PROS1: variants seen among roughly 807,000 people sequenced by gnomAD.
PROS1 encodes vitamin K-dependent protein S.
A neutral mutation model predicts 75.9 loss-of-function variants in PROS1; 29 were observed. That is an observed-to-expected ratio of 0.38 (90% CI 0.28 to 0.52). The LOEUF is 0.52. Ranked by LOEUF, PROS1 falls within the 20% of genes least tolerant of loss-of-function variation. The probability of loss-of-function intolerance (pLI) is 0.83; values close to 1 mark genes in which losing one functional copy is unlikely to be tolerated. For missense variants in PROS1, 680 were observed against 810.3 expected (o/e 0.84, Z 1.95); for synonymous variants, 245 against 280.6 (o/e 0.87, Z 1.27).
chr3:93,935,498 C>A (rs1053083199), intron 1 of PROS1, among the ~76,000 whole-genome samples: 8 of 152,044 alleles, frequency 5.3e-5, no homozygotes, highest in Non-Finnish European at 1.0e-4. Flanking sequence ...TTTGGAAAAG[C>A]AACAGGCAAA....
At chr3:93,916,939 C>A (rs1708861930) in intron 3 of PROS1, among the ~76,000 whole-genome samples, 1 of 152,216 alleles carries the variant, frequency 6.6e-6, no homozygotes, top group South Asian at 2.1e-4. Flanking sequence ...CAGCCACTGA[C>A]TCCTAGACAA....
chr3:93,973,643 G>C, intron 1 of PROS1, 31 bp downstream of exon 1: 1 of 1,606,606 alleles, frequency 6.2e-7, no homozygotes, highest in Non-Finnish European at 8.5e-7. Flanking sequence ...CAATGCTGGG[G>C]AAGGGAGAAG....
chr3:93,904,556 C>A (rs1461219078), intron 6 of PROS1, among the ~76,000 whole-genome samples: 1 of 151,704 alleles, frequency 6.6e-6, no homozygotes, highest in East Asian at 1.9e-4. Flanking sequence ...TAGGGCTTTA[C>A]CAAAATATAT....
chr3:93,951,283 A>G (rs1490417970), intron 1 of PROS1, among the ~76,000 whole-genome samples: 1 of 152,116 alleles, frequency 6.6e-6, no homozygotes, highest in East Asian at 1.9e-4. Context: ...AACTCCAAGA[A>G]ACATAACTGT....
In PROS1 at chr3:93,873,910, A is replaced by G. The variant is rs1708144772; in HGVS notation, c.*335T>C. ...TTTGAGTTTACTTCCTTGCTTTCTG[A>G]AAAAAACATAGGTATTTAGACACTA... On this transcript the variant is annotated 3_prime_UTR_variant, in exon 15 of 15. Transcript: ENST00000394236. 1.2e-5 allele frequency: 3 copies of G among 250,622 alleles called. No homozygotes were observed. The highest frequency in any genetic ancestry group is 5.1e-5 in the Admixed American group (1 of 19,524). 15.5% of individuals were successfully genotyped at this position (250,622 alleles called of 1,614,324 possible).
chr3:93,931,169 T>C (rs1334705512), intron 1 of PROS1, among the ~76,000 whole-genome samples: 3 of 152,188 alleles, frequency 2.0e-5, no homozygotes, highest in African/African-American at 4.8e-5. Flanking sequence ...TATTTTCCTA[T>C]TGAAGAAATT....
At chr3:93,951,942 A>C (rs1425548586) in intron 1 of PROS1, among the ~76,000 whole-genome samples, 1 of 152,196 alleles carries the variant, frequency 6.6e-6, no homozygotes, top group Admixed American at 6.5e-5. Context: ...CTAGTCTCTG[A>C]TAAAACAGAC....
At chr3:93,948,277 T>TA (rs35649343) in intron 1 of PROS1, among the ~76,000 whole-genome samples, 4,986 of 139,372 alleles carry the variant, frequency 0.036, 104 homozygotes, top group Middle Eastern at 0.056. Flanking sequence ...CTGCCATCCA[T>TA]AAAAAAAAAA....
chr3:93,893,758 A>C (rs1274656263), intron 9 of PROS1, among the ~76,000 whole-genome samples: 1 of 152,198 alleles, frequency 6.6e-6, no homozygotes, highest in Non-Finnish European at 1.5e-5. Flanking sequence ...AAATATATCT[A>C]TTAGCTTTCC....
At chr3:93,945,910 C>T (rs1301250462) in intron 1 of PROS1, among the ~76,000 whole-genome samples, 1 of 152,164 alleles carries the variant, frequency 6.6e-6, no homozygotes, top group Non-Finnish European at 1.5e-5. Flanking sequence ...TTAGAAAACT[C>T]CCTCGTCTCA....
intron 1 of PROS1, among the ~76,000 whole-genome samples, chr3:93,957,159 T>C (rs1208963275): frequency 6.6e-6 from 1 of 152,198 alleles, no homozygotes; most frequent in Admixed American, 6.5e-5. Context: ...TATGTATCTA[T>C]TTTAAAGGGT....
At chr3:93,905,241 T>C (rs1708655486) in intron 6 of PROS1, among the ~76,000 whole-genome samples, 1 of 152,220 alleles carries the variant, frequency 6.6e-6, no homozygotes, top group African/African-American at 2.4e-5. Flanking sequence ...TGAAATTCCT[T>C]ATTGAAACAT....
intron 1 of PROS1, among the ~76,000 whole-genome samples, chr3:93,950,546 T>C (rs1465067324): frequency 6.6e-6 from 1 of 152,190 alleles, no homozygotes; most frequent in Non-Finnish European, 1.5e-5. Context: ...TTCTGCAGCC[T>C]CCACTGGTGA....
intron 1 of PROS1, among the ~76,000 whole-genome samples, chr3:93,954,256 C>G (rs1277708656): frequency 6.6e-5 from 10 of 152,138 alleles, no homozygotes; most frequent in Non-Finnish European, 1.5e-5. Context: ...AAAAAAGAGC[C>G]CGCATTGCCA....
chr3:93,918,575 T>TA (rs1708895787), intron 3 of PROS1, among the ~76,000 whole-genome samples: 2 of 152,154 alleles, frequency 1.3e-5, no homozygotes, highest in Admixed American at 1.3e-4. Context: ...AAACTCCTGA[T>TA]ACGCCGCCTT....
At chr3:93,950,161 G>C (rs1016250170) in intron 1 of PROS1, among the ~76,000 whole-genome samples, 2 of 152,194 alleles carry the variant, frequency 1.3e-5, no homozygotes, top group African/African-American at 2.4e-5. Flanking sequence ...GCTGAGGCTT[G>C]AGTAGGTAAA....
intron 10 of PROS1, among the ~76,000 whole-genome samples, chr3:93,886,910 CTTTT>C (rs1297839394): frequency 1.0e-4 from 13 of 130,576 alleles, no homozygotes; most frequent in Non-Finnish European, 1.2e-4. Context: ...TAAATAAGTT[CTTTT>C]TTTTTTTTTT....
At position 93,898,589 on chromosome 3, in the gene PROS1, C is replaced by G; in HGVS notation, c.728-20G>C. ...CTATATCTGAGGTAAAAAAAACACACGCACACAAACTTTAATATCCCCTAA... is the reference window on the plus strand; with the variant it reads ...CTATATCTGAGGTAAAAAAAACACAGGCACACAAACTTTAATATCCCCTAA... On this transcript the variant is annotated intron_variant, in intron 7 of 14. Transcript: ENST00000394236. 1 of 1,610,486 alleles carries G rather than the reference C, an allele frequency of 6.2e-7. No individual in the cohort carries two copies. The highest frequency in any genetic ancestry group is 8.5e-7 in the Non-Finnish European group (1 of 1,177,514).
At chr3:93,908,334 A>G (rs1213620373) in intron 4 of PROS1, among the ~76,000 whole-genome samples, 4 of 152,210 alleles carry the variant, frequency 2.6e-5, no homozygotes, top group African/African-American at 9.7e-5. Flanking sequence ...CTACAATTGG[A>G]CCACATTACT....
Sources: allele counts gnomAD v4.1 joint callset (sites outside exome capture counted in the v4.1 genomes callset), GRCh38; gene constraint gnomAD v4.1.1; transcripts MANE v1.5; gene names NCBI Gene and HGNC (gene_info 2026-07-23, HGNC 2026-07-21).